TRPM8: variants seen among roughly 807,000 people sequenced by gnomAD.
TRPM8 encodes transient receptor potential cation channel subfamily M member 8, also known as TRPM8 cationic channel.
In TRPM8, 110 loss-of-function variants were observed where a neutral mutation model predicts 133.7. The ratio of observed to expected loss-of-function variants is 0.82; its 90% confidence interval spans 0.70 to 0.96. TRPM8 has a LOEUF of 0.96. TRPM8 is among the 40% of genes least tolerant of loss of function. The pLI is 0.00. For synonymous variants in TRPM8, 535 were observed against 532.3 expected (o/e 1.01, Z -0.07); for missense variants, 1,291 against 1,379.5 (o/e 0.94, Z 1.02).
intron 19 of TRPM8, among the ~76,000 whole-genome samples, chr2:233,982,557 T>C (rs1390240468): frequency 2.0e-5 from 3 of 152,154 alleles, no homozygotes; most frequent in Admixed American, 2.0e-4. Context: ...AAAGCATTTC[T>C]GGGACATCCA....
At chr2:233,955,438 G>T in intron 11 of TRPM8, 188 bp downstream of exon 11, 1 of 507,642 alleles carries the variant, frequency 2.0e-6, no homozygotes, top group Non-Finnish European at 3.5e-6. Context: ...TGACTTAGTA[G>T]GTTTGTTGTG....
chr2:233,975,661 A>G (rs1016757252), intron 17 of TRPM8, among the ~76,000 whole-genome samples: 2 of 152,190 alleles, frequency 1.3e-5, no homozygotes, highest in African/African-American at 4.8e-5. Flanking sequence ...CGGGCGGATC[A>G]CCTGAGCTCA....
At chr2:233,970,507 C>T (rs1559534843) in intron 17 of TRPM8, 81 bp downstream of exon 17, 3 of 1,355,912 alleles carry the variant, frequency 2.2e-6, no homozygotes, top group East Asian at 4.6e-5. Flanking sequence ...ATAGAAGTTG[C>T]TTCTGAAGTT....
intron 24 of TRPM8, among the ~76,000 whole-genome samples, chr2:234,010,328 G>T (rs1692805438): frequency 6.6e-6 from 1 of 152,102 alleles, no homozygotes; most frequent in African/African-American, 2.4e-5. Context: ...CCATTTTAAG[G>T]GTGAAAAATA....
At chr2:233,972,836 C>T (rs777508539) in intron 17 of TRPM8, among the ~76,000 whole-genome samples, 25 of 152,200 alleles carry the variant, frequency 1.6e-4, no homozygotes, top group African/African-American at 3.1e-4. Context: ...CCCCGGTTCC[C>T]GCTCACGCCA....
rs201150963 is a variant in TRPM8, at chr2:233,927,966, T to C, written c.117+1312T>C. Among the ~76,000 whole-genome samples, 510 of 73,302 alleles carry C rather than the reference T, an allele frequency of 7.0e-3. 29 individuals carry two copies. Among genetic ancestry groups the C allele is most frequent in the East Asian group, 0.029 (65 of 2,250 alleles). The allele number at this position is 73,302 out of a possible 152,430, so 48.1% of individuals were successfully genotyped here. A position where few individuals can be genotyped will look rare whatever the true frequency, so the allele number is the denominator to read the frequency against. On this transcript the variant is annotated intron_variant, in intron 2 of 25. Transcript: ENST00000324695. The stretch of plus-strand genomic sequence containing the variant: ...TCTCTCTCTCTCTCTCTCTCTTTCT[T>C]TCTTTCTTTCTTTTTTTTTTTGAGA...
At chr2:233,930,640 T>G in intron 2 of TRPM8, 28 bp from the exon 3 acceptor site, 1 of 1,469,712 alleles carries the variant, frequency 6.8e-7, no homozygotes, top group Admixed American at 1.7e-5. Flanking sequence ...AAATTAGTAA[T>G]GTGTTATTCA....
At chr2:233,927,774 CTTTCTTTCTT>C (rs1691562467) in intron 2 of TRPM8, among the ~76,000 whole-genome samples, 1 of 56,616 alleles carries the variant, frequency 1.8e-5, no homozygotes, top group South Asian at 6.6e-4. Flanking sequence ...TTCTTTCTTT[CTTTCTTTCTT>C]TCTTTCTTTT....
At chr2:233,933,413 G>C (rs531611774) in intron 3 of TRPM8, among the ~76,000 whole-genome samples, 54 of 152,256 alleles carry the variant, frequency 3.5e-4, no homozygotes, top group South Asian at 2.5e-3. Flanking sequence ...CATATTGGAC[G>C]GTGTAGTTCT....
chr2:233,998,376 G>A (rs923806351), intron 22 of TRPM8, among the ~76,000 whole-genome samples: 3 of 152,206 alleles, frequency 2.0e-5, no homozygotes, highest in Non-Finnish European at 4.4e-5. Flanking sequence ...ACTCAGAATG[G>A]CAAATGTGCC....
intron 8 of TRPM8, chr2:233,947,383 G>A: frequency 6.6e-7 from 1 of 1,516,494 alleles, no homozygotes; most frequent in Non-Finnish European, 8.9e-7. Context: ...ACTTAGTGTT[G>A]GCCTTGACAG....
chr2:233,948,186 C>G (rs1036237715), intron 8 of TRPM8, among the ~76,000 whole-genome samples: 1 of 152,202 alleles, frequency 6.6e-6, no homozygotes, highest in Non-Finnish European at 1.5e-5. Context: ...TAGTACTTCT[C>G]ATTATTCTTT....
intron 5 of TRPM8, 21 bp from the exon 6 acceptor site, chr2:233,942,555 A>C: frequency 1.2e-6 from 2 of 1,613,634 alleles, no homozygotes; most frequent in Non-Finnish European, 8.5e-7. Context: ...TTGACCATTT[A>C]CTCTTCCTAT....
intron 3 of TRPM8, among the ~76,000 whole-genome samples, chr2:233,936,179 T>C (rs1403094145): frequency 2.6e-5 from 4 of 152,152 alleles, no homozygotes; most frequent in East Asian, 1.9e-4. Context: ...CCAGGTGTCA[T>C]GCTTAGCTAT....
chr2:233,925,540 C>A (rs1691497497), intron 1 of TRPM8, among the ~76,000 whole-genome samples: 1 of 151,976 alleles, frequency 6.6e-6, no homozygotes, highest in African/African-American at 2.4e-5. Flanking sequence ...GCTAGGAAAG[C>A]CAGGTCCAGA....
In TRPM8 at chr2:233,927,778, CTTTCTTTCTTTCTT is replaced by C. The variant is rs1559516138; in HGVS notation, c.117+1127_117+1140del. Among the ~76,000 whole-genome samples, 73 of 46,152 alleles carry C rather than the reference CTTTCTTTCTTTCTT, an allele frequency of 1.6e-3. 5 individuals carry two copies. Among genetic ancestry groups the C allele is most frequent in the African/African-American group, 8.8e-3 (33 of 3,738 alleles). The allele number at this position is 46,152 out of a possible 152,430, so 30.3% of individuals were successfully genotyped here. ...TCTTTCTTTCTTTCTTTCTTTCTTT[CTTTCTTTCTTTCTT>C]TTCTTTCCTTCCTTCCTTCCTTCCT... On this transcript the variant is annotated intron_variant, in intron 2 of 25. Transcript: ENST00000324695.
rs772840521 is a variant in TRPM8, at chr2:233,949,990, G to A, written c.984G>A (p.Val328=). The change falls in exon 9 of 26, where the codon GTG becomes GTA. Residue 328 remains valine (V), a synonymous_variant. Coordinates refer to ENST00000324695, the MANE Select transcript of TRPM8 (RefSeq NM_024080.5). ...TSIKNKIPCV[V]VEGSGQIADV... ...TCAAAAATAAAATTCCTTGTGTGGT[G>A]GTGGAAGGCTCGGGCCAGATCGCTG... 6 of 1,614,164 alleles carry A rather than the reference G, an allele frequency of 3.7e-6. No individual in the cohort carries two copies. The highest frequency in any genetic ancestry group is 4.2e-6 in the Non-Finnish European group (5 of 1,180,032).
intron 2 of TRPM8, 67 bp from the exon 3 acceptor site, chr2:233,930,601 A>G (rs1332941438): frequency 9.5e-7 from 1 of 1,056,264 alleles, no homozygotes; most frequent in East Asian, 2.4e-5. Flanking sequence ...CATATTTAGT[A>G]TTCATCAATA....
chr2:234,009,308 C>G (rs1018060207), intron 24 of TRPM8, among the ~76,000 whole-genome samples: 1 of 152,138 alleles, frequency 6.6e-6, no homozygotes, highest in African/African-American at 2.4e-5. Flanking sequence ...TTGTTTTTTA[C>G]TCGAGTTTAT....
Sources: gnomAD v4.1 joint callset for allele counts (sites outside exome capture counted in the v4.1 genomes callset) on GRCh38, gnomAD v4.1.1 for gene constraint, MANE v1.5 for transcripts, NCBI Gene and HGNC (gene_info 2026-07-23, HGNC 2026-07-21) for gene names.